MAF: variants seen among roughly 807,000 people sequenced by gnomAD.
MAF encodes MAF bZIP transcription factor.
In MAF, 10 loss-of-function variants were observed where a neutral mutation model predicts 22.0. The observed-to-expected ratio is 0.45, with a 90% CI of 0.28 to 0.77. The LOEUF (loss-of-function observed/expected upper bound fraction) is 0.77. Among genes scored for constraint, MAF ranks in the 30% least tolerant of loss-of-function variants. The pLI is 0.12. For missense variants in MAF, 544 were observed against 548.4 expected, an observed-to-expected ratio of 0.99 and a Z score of 0.08; for synonymous variants, 337 against 255.8, an observed-to-expected ratio of 1.32 and a Z score of -3.03.
At chr16:79,478,365 G>A in the MAF span, among the ~76,000 whole-genome samples, 1 of 152,172 alleles carries the variant, frequency 6.6e-6, no homozygotes, top group Non-Finnish European at 1.5e-5. Context: ...GCTGCTCAAG[G>A]TCAAATGGCC....
the MAF span, among the ~76,000 whole-genome samples, chr16:79,500,455 C>T: frequency 7.2e-5 from 11 of 152,278 alleles, no homozygotes; most frequent in Middle Eastern, 3.4e-3. Context: ...TGCAGAAGCG[C>T]AGACACCATG....
chr16:79,308,920 C>T, the MAF span, among the ~76,000 whole-genome samples: 1 of 152,104 alleles, frequency 6.6e-6, no homozygotes, highest in Admixed American at 6.5e-5. Context: ...CTTTAGAAAG[C>T]GTGGGCCCTT....
the MAF span, among the ~76,000 whole-genome samples, chr16:79,249,692 G>A: frequency 6.6e-6 from 1 of 152,122 alleles, no homozygotes; most frequent in African/African-American, 2.4e-5. Context: ...TAATTTCTTA[G>A]AAGTTAGCTT....
chr16:79,568,647 T>C, the MAF span, among the ~76,000 whole-genome samples: 1 of 152,176 alleles, frequency 6.6e-6, no homozygotes, highest in African/African-American at 2.4e-5. Flanking sequence ...CCTGCAATAC[T>C]AAATAGTTGC....
At chr16:79,509,420 C>A in the MAF span, among the ~76,000 whole-genome samples, 2 of 152,184 alleles carry the variant, frequency 1.3e-5, no homozygotes, top group Non-Finnish European at 2.9e-5. Context: ...CCCTCTCTGC[C>A]GTCAGCTTTT....
the MAF span, among the ~76,000 whole-genome samples, chr16:79,209,702 C>A: frequency 2.0e-5 from 3 of 152,178 alleles, no homozygotes; most frequent in Admixed American, 2.0e-4. Flanking sequence ...CAAAATAATA[C>A]TTGGCTTGAG....
the MAF span, among the ~76,000 whole-genome samples, chr16:79,484,963 T>G: frequency 6.6e-6 from 1 of 152,202 alleles, no homozygotes; most frequent in Non-Finnish European, 1.5e-5. Context: ...CCATTAGAAG[T>G]TCTGTGGCCC....
At chr16:79,240,145 G>A in the MAF span, among the ~76,000 whole-genome samples, 1 of 151,668 alleles carries the variant, frequency 6.6e-6, no homozygotes, top group South Asian at 2.1e-4. Flanking sequence ...CATGGCGGGG[G>A]GTGTAAGTGG....
the MAF span, among the ~76,000 whole-genome samples, chr16:79,328,749 C>A: frequency 6.6e-6 from 1 of 152,172 alleles, no homozygotes; most frequent in South Asian, 2.1e-4. Context: ...CATTCTCCAA[C>A]CAGCTTGTAA....
chr16:79,296,371 G>C, the MAF span, among the ~76,000 whole-genome samples: 2 of 152,112 alleles, frequency 1.3e-5, no homozygotes, highest in African/African-American at 4.8e-5. Flanking sequence ...GCCTGTCGGG[G>C]GGCAGGGTGT....
the MAF span, among the ~76,000 whole-genome samples, chr16:79,413,210 G>GTTTTT: frequency 5.2e-4 from 33 of 63,634 alleles, 8 homozygotes; most frequent in Non-Finnish European, 6.3e-4. Context: ...GAGCTGTGCA[G>GTTTTT]TTTTTTTTTT....
chr16:79,426,402 T>C, the MAF span, among the ~76,000 whole-genome samples: 1 of 152,370 alleles, frequency 6.6e-6, no homozygotes, highest in South Asian at 2.1e-4. Context: ...TTTCTTTTTT[T>C]ATTCGTTGTT....
At chr16:79,537,542 T>C in the MAF span, among the ~76,000 whole-genome samples, 271 of 152,352 alleles carry the variant, frequency 1.8e-3, 3 homozygotes, top group African/African-American at 6.1e-3. Context: ...CCTATGTTCC[T>C]GACCGAACCT....
the MAF span, among the ~76,000 whole-genome samples, chr16:79,350,497 C>G: frequency 6.6e-6 from 1 of 152,198 alleles, no homozygotes; most frequent in Non-Finnish European, 1.5e-5. Context: ...CACCGCTGGA[C>G]TACCCTTTTC....
chr16:79,358,150 T>A, the MAF span, among the ~76,000 whole-genome samples: 2 of 152,180 alleles, frequency 1.3e-5, no homozygotes, highest in African/African-American at 4.8e-5. Context: ...CCAGGAATTT[T>A]TCCCACCAAC....
At chr16:79,339,629 T>A in the MAF span, among the ~76,000 whole-genome samples, 1 of 152,234 alleles carries the variant, frequency 6.6e-6, no homozygotes, top group Admixed American at 6.5e-5. Flanking sequence ...AATACATTAA[T>A]ATCAGTCATA....
the MAF span, among the ~76,000 whole-genome samples, chr16:79,211,091 T>TC: frequency 2.0e-5 from 3 of 147,876 alleles, no homozygotes; most frequent in African/African-American, 7.4e-5. Context: ...TGCCAACCCT[T>TC]CCCCTAGCAG....
chr16:79,337,771 G>T, the MAF span, among the ~76,000 whole-genome samples: 4 of 152,180 alleles, frequency 2.6e-5, no homozygotes, highest in African/African-American at 4.8e-5. Context: ...CAGGATCACA[G>T]AAGATCCTAT....
At chr16:79,448,376 C>G in the MAF span, among the ~76,000 whole-genome samples, 1 of 96,134 alleles carries the variant, frequency 1.0e-5, no homozygotes, top group East Asian at 3.4e-4. Flanking sequence ...TGAATGCTAG[C>G]ATTTTTTTTT....
Sources: allele counts gnomAD v4.1 joint callset (sites outside exome capture counted in the v4.1 genomes callset), GRCh38; gene constraint gnomAD v4.1.1; transcripts MANE v1.5; gene names NCBI Gene and HGNC (gene_info 2026-07-23, HGNC 2026-07-21).